Variants in PRKN observed in about 807,000 individuals in gnomAD.
PRKN encodes parkin RBR E3 ubiquitin protein ligase.
PRKN carries 56 observed loss-of-function variants against 59.5 expected under a neutral mutation model. That is an observed-to-expected ratio of 0.94 (90% CI 0.76 to 1.18). The LOEUF is 1.18. PRKN is among the 50% of genes most tolerant of loss of function. The pLI is 0.00. For synonymous variants in PRKN, 250 were observed against 222.1 expected (o/e 1.13, Z -1.12); for missense variants, 657 against 596.4 (o/e 1.10, Z -1.06).
At chr6:162,701,774 A>C (rs1778160072) in intron 1 of PRKN, among the ~76,000 whole-genome samples, 1 of 151,690 alleles carries the variant, frequency 6.6e-6, no homozygotes, top group Admixed American at 6.6e-5. Flanking sequence ...CAGTATTAGC[A>C]AAAGTATAAC....
In PRKN at chr6:161,463,496, A is replaced by G. The variant is rs1310870381; in HGVS notation, c.1084-76619T>C. On this transcript the variant is annotated intron_variant, in intron 9 of 11. Coordinates refer to ENST00000366898, the MANE Select transcript of PRKN (RefSeq NM_004562.3). This position sits in a 1 kb window ranked among gnomAD's most constrained non-coding sequence, Gnocchi z 4.8. ...TTTGGGATCTGGCAGCACTTTTCTG[A>G]GGGCATCAACTACCAAGGTTGGAGG... Among the ~76,000 whole-genome samples the G allele has an allele frequency of 6.6e-6, 1 of 152,130 alleles. No homozygotes were observed. The highest frequency in any genetic ancestry group is 1.9e-4 in the East Asian group (1 of 5,184).
chr6:162,358,325 C>A (rs1027529307), intron 2 of PRKN, among the ~76,000 whole-genome samples: 1 of 152,246 alleles, frequency 6.6e-6, no homozygotes, highest in South Asian at 2.1e-4. Context: ...AGTTACCTGG[C>A]ATGGTTCTTT....
At chr6:161,681,395 T>A (rs1562604582) in intron 7 of PRKN, among the ~76,000 whole-genome samples, 1 of 152,148 alleles carries the variant, frequency 6.6e-6, no homozygotes. Flanking sequence ...AAAAATAACT[T>A]AAGTTATCAT....
rs143845555 is a variant in PRKN, at chr6:161,992,047, G to C, written c.619-18630C>G. ...GATTACAAGTCAAAAAATCTAAAAA[G>C]AGACAAAGAAGGCTGGGCACGGTAG... On this transcript the variant is annotated intron_variant, in intron 5 of 11. Coordinates refer to ENST00000366898, the MANE Select transcript of PRKN (RefSeq NM_004562.3). Among the ~76,000 whole-genome samples the C allele has an allele frequency of 1.2e-3, 183 of 151,962 alleles. 1 individual carries two copies. Among genetic ancestry groups the C allele is most frequent in the African/African-American group, 4.2e-3 (174 of 41,452 alleles).
chr6:162,121,145 T>A (rs1174714588), intron 4 of PRKN, among the ~76,000 whole-genome samples: 1 of 152,228 alleles, frequency 6.6e-6, no homozygotes, highest in Non-Finnish European at 1.5e-5. Context: ...TCAACTCTCC[T>A]GCTCTTTGTC....
rs1447276231 is a variant in PRKN, at chr6:162,087,592, T to TC, written c.535-33419_535-33418insG. ...ACAGGTGCTTAGAGAATAATTTCTT[T>TC]TTTTTTTTTTTTTTTTTTCTGAGAC... is the stretch of plus-strand genomic sequence containing the variant. On this transcript the variant is annotated intron_variant, in intron 4 of 11. Coordinates refer to ENST00000366898, the MANE Select transcript of PRKN (RefSeq NM_004562.3). Among the ~76,000 whole-genome samples the TC allele has an allele frequency of 1.9e-3, 274 of 142,024 alleles. 1 individual carries two copies. The highest frequency in any genetic ancestry group is 5.4e-3 in the African/African-American group (205 of 38,274). The allele number at this position is 142,024 out of a possible 152,430, so 93.2% of individuals were successfully genotyped here. A position where few individuals can be genotyped will look rare whatever the true frequency, so the allele number is the denominator to read the frequency against.
intron 2 of PRKN, among the ~76,000 whole-genome samples, chr6:162,289,646 G>A (rs908731310): frequency 4.0e-5 from 6 of 150,224 alleles, no homozygotes; most frequent in Non-Finnish European, 8.8e-5. Flanking sequence ...GCAGTGAGCC[G>A]AGATAACTCT....
intron 5 of PRKN, among the ~76,000 whole-genome samples, chr6:162,036,810 C>T (rs1783868249): frequency 6.6e-6 from 1 of 152,240 alleles, no homozygotes; most frequent in African/African-American, 2.4e-5. Context: ...AAGAAACAAA[C>T]TATAAGAAAT....
At chr6:161,712,180 T>A (rs1179908756) in intron 7 of PRKN, among the ~76,000 whole-genome samples, 4 of 152,180 alleles carry the variant, frequency 2.6e-5, no homozygotes, top group Non-Finnish European at 5.9e-5. Context: ...AAGTGGGAAA[T>A]CACTTGGGAG....
intron 1 of PRKN, among the ~76,000 whole-genome samples, chr6:162,527,222 G>A (rs2846476): frequency 0.35 from 53,012 of 151,634 alleles, 11,028 homozygotes; most frequent in Middle Eastern, 0.51. Context: ...ATCTGAAACC[G>A]GGATAAAACA....
intron 9 of PRKN, among the ~76,000 whole-genome samples, chr6:161,542,674 C>A (rs138690794): frequency 0.025 from 3,846 of 152,222 alleles, 71 homozygotes; most frequent in Non-Finnish European, 0.036. Context: ...TTAAAATGCT[C>A]TTTGATGAAG....
intron 7 of PRKN, among the ~76,000 whole-genome samples, chr6:161,603,998 G>C (rs1265616095): frequency 1.3e-5 from 2 of 152,214 alleles, no homozygotes; most frequent in Non-Finnish European, 2.9e-5. Flanking sequence ...CTATGAGGAA[G>C]TGGGCCCTCG....
In PRKN at chr6:161,908,815, T is replaced by C. The variant is rs142766529; in HGVS notation, c.734+64487A>G. ...ATCCCTTGTATCAATAGACATTTAA[T>C]TGGCAAACAAGAACATGGAAAAATA... On this transcript the variant is annotated intron_variant, in intron 6 of 11. Coordinates refer to ENST00000366898, the MANE Select transcript of PRKN (RefSeq NM_004562.3). Among the ~76,000 whole-genome samples the C allele has an allele frequency of 7.6e-4, 116 of 152,350 alleles. No individual in the cohort carries two copies. The East Asian group carries it at 0.019, about 25-fold the overall frequency.
intron 7 of PRKN, among the ~76,000 whole-genome samples, chr6:161,767,551 G>GA (rs1789483740): frequency 6.6e-6 from 1 of 151,316 alleles, no homozygotes; most frequent in African/African-American, 2.4e-5. Flanking sequence ...CAGCATGGCA[G>GA]AAAAAAGAAC....
At chr6:161,841,364 T>TTTTGA (rs1302370764) in intron 6 of PRKN, among the ~76,000 whole-genome samples, 1 of 151,854 alleles carries the variant, frequency 6.6e-6, no homozygotes, top group Non-Finnish European at 1.5e-5. Flanking sequence ...TTTTTTTTTT[T>TTTTGA]TTTGAGACAG....
chr6:162,034,546 C>T (rs201035590), intron 5 of PRKN, among the ~76,000 whole-genome samples: 3 of 106,792 alleles, frequency 2.8e-5, no homozygotes, highest in Non-Finnish European at 4.3e-5. Flanking sequence ...AAAAATTACA[C>T]AAAACTTGAA....
chr6:161,712,350 GT>G (rs201324775), intron 7 of PRKN, among the ~76,000 whole-genome samples: 2,049 of 152,258 alleles, frequency 0.013, 52 homozygotes, highest in African/African-American at 0.047. Flanking sequence ...AGGAAGCTGG[GT>G]TAGGATGTTG....
intron 2 of PRKN, among the ~76,000 whole-genome samples, chr6:162,384,647 T>TAAAAAAAAAAAAAAA: frequency 1.1e-5 from 1 of 93,436 alleles, no homozygotes; most frequent in Non-Finnish European, 2.3e-5. Flanking sequence ...CTTCAATTTG[T>TAAAAAAAAAAAAAAA]AAAAAAAAAA....
In PRKN at chr6:162,562,684, G is replaced by A. The variant is rs371768589; in HGVS notation, c.8-119211C>T. The stretch of plus-strand genomic sequence containing the variant: ...GAGTGTCAGCTCAGCAGCAATACCA[G>A]GTTGATGTCTAAGACTTTTGACTCT... On this transcript the variant is annotated intron_variant, in intron 1 of 11. Coordinates refer to ENST00000366898, the MANE Select transcript of PRKN (RefSeq NM_004562.3). Among the ~76,000 whole-genome samples the A allele has an allele frequency of 2.1e-4, 32 of 152,316 alleles. 1 individual carries two copies. In the East Asian group the frequency reaches 2.1e-3, roughly 10 times the overall value.
Sources: allele counts gnomAD v4.1 joint callset (sites outside exome capture counted in the v4.1 genomes callset), GRCh38; gene constraint gnomAD v4.1.1; non-coding constraint Gnocchi (gnomAD v3.1); transcripts MANE v1.5; gene names NCBI Gene and HGNC (gene_info 2026-07-23, HGNC 2026-07-21).